Variants in CNTN4 observed in about 807,000 individuals in gnomAD.
CNTN4 encodes contactin-4.
Under a neutral mutation model 122.5 loss-of-function variants are expected in CNTN4, and 77 were observed. That is an observed-to-expected ratio of 0.63 (90% CI 0.52 to 0.76). The LOEUF (loss-of-function observed/expected upper bound fraction) is 0.76, where lower values mean the gene tolerates loss of function less well. Ranked by LOEUF, CNTN4 falls within the 30% of genes least tolerant of loss-of-function variation. CNTN4 has a pLI of 0.00. For missense variants in CNTN4, 1,256 were observed against 1,259.1 expected (o/e 1.00, Z 0.04); for synonymous variants, 512 against 447.0 (o/e 1.15, Z -1.83).
At chr3:2,981,305 G>T (rs911557309) in intron 13 of CNTN4, among the ~76,000 whole-genome samples, 1 of 151,728 alleles carries the variant, frequency 6.6e-6, no homozygotes, top group South Asian at 2.1e-4. Context: ...TTAGCCGGGC[G>T]TGGTGGCGGG....
chr3:2,463,007 CTGAGACTTACCATATT>C (rs530850243), intron 3 of CNTN4, among the ~76,000 whole-genome samples: 126 of 152,240 alleles, frequency 8.3e-4, no homozygotes, highest in Middle Eastern at 3.4e-3. Flanking sequence ...AACAATGTTT[CTGAGACTTACCATATT>C]TGAGAACCAT....
intron 4 of CNTN4, among the ~76,000 whole-genome samples, chr3:2,611,381 A>AGGGTACT (rs2081485127): frequency 6.6e-6 from 1 of 151,952 alleles, no homozygotes; most frequent in South Asian, 2.1e-4. Flanking sequence ...GACTCTTTCA[A>AGGGTACT]GGGTACTGAT....
intron 2 of CNTN4, among the ~76,000 whole-genome samples, chr3:2,104,555 G>A (rs1413196487): frequency 1.3e-5 from 2 of 152,156 alleles, no homozygotes; most frequent in Non-Finnish European, 2.9e-5. Flanking sequence ...TCATCATTCA[G>A]TCAAGATACA....
At chr3:2,535,921 A>C (rs1407280597) in intron 3 of CNTN4, among the ~76,000 whole-genome samples, 2 of 152,122 alleles carry the variant, frequency 1.3e-5, no homozygotes. Flanking sequence ...GGAAGCCTGA[A>C]GAAATCCCCC....
At chr3:2,177,786 CT>C (rs1216680686) in intron 2 of CNTN4, among the ~76,000 whole-genome samples, 1 of 151,814 alleles carries the variant, frequency 6.6e-6, no homozygotes, top group African/African-American at 2.4e-5. Flanking sequence ...TTTACTTAAG[CT>C]GAATTGATTA....
chr3:2,272,081 G>T (rs13085297), intron 2 of CNTN4, among the ~76,000 whole-genome samples: 2 of 151,750 alleles, frequency 1.3e-5, no homozygotes, highest in African/African-American at 4.8e-5. Flanking sequence ...CATGAAAAAT[G>T]TTATTAAAAT....
At chr3:2,370,787 T>C (rs2045601757) in intron 3 of CNTN4, among the ~76,000 whole-genome samples, 1 of 152,192 alleles carries the variant, frequency 6.6e-6, no homozygotes, top group African/African-American at 2.4e-5. Flanking sequence ...TCCCAATTTC[T>C]ATCAACCAGA....
intron 12 of CNTN4, among the ~76,000 whole-genome samples, chr3:2,905,679 A>T (rs1379677034): frequency 6.6e-6 from 1 of 152,250 alleles, no homozygotes; most frequent in Non-Finnish European, 1.5e-5. Flanking sequence ...ACCATGTTTC[A>T]CATAAGAACA....
At chr3:2,383,910 A>G (rs1020906274) in intron 3 of CNTN4, among the ~76,000 whole-genome samples, 1 of 152,122 alleles carries the variant, frequency 6.6e-6, no homozygotes, top group Non-Finnish European at 1.5e-5. Flanking sequence ...TAAAGCCACA[A>G]AATTATAAGT....
intron 4 of CNTN4, among the ~76,000 whole-genome samples, chr3:2,653,417 T>A (rs1241364544): frequency 6.6e-6 from 1 of 152,164 alleles, no homozygotes; most frequent in Non-Finnish European, 1.5e-5. Flanking sequence ...AGATTTTGGG[T>A]TCATAGAGAA....
At chr3:2,417,878 C>G (rs1280481243) in intron 3 of CNTN4, among the ~76,000 whole-genome samples, 1 of 152,106 alleles carries the variant, frequency 6.6e-6, no homozygotes, top group African/African-American at 2.4e-5. Flanking sequence ...AAAAGCCAAT[C>G]TGGGAAAAAA....
intron 2 of CNTN4, among the ~76,000 whole-genome samples, chr3:2,334,284 A>C (rs2150317559): frequency 6.6e-6 from 1 of 152,188 alleles, no homozygotes; most frequent in South Asian, 2.1e-4. Flanking sequence ...CAGCCTCCCA[A>C]GTAGCTGGGA....
chr3:2,779,382 A>G (rs1051947542), intron 6 of CNTN4, among the ~76,000 whole-genome samples: 1 of 151,988 alleles, frequency 6.6e-6, no homozygotes, highest in Non-Finnish European at 1.5e-5. Flanking sequence ...TTATTTTTGT[A>G]GAGGCTGGGT....
At chr3:2,844,570 A>G (rs535897561) in intron 7 of CNTN4, among the ~76,000 whole-genome samples, 2 of 152,292 alleles carry the variant, frequency 1.3e-5, no homozygotes, top group Admixed American at 1.3e-4. Context: ...TAATTGAGGG[A>G]CACCTACAGA....
At position 2,902,894 on chromosome 3, in the gene CNTN4, C is replaced by CAAGG; in HGVS notation, c.1099_1102dup (p.Thr368ArgfsTer23). The CAAGG allele has an allele frequency of 6.2e-7, 1 of 1,613,392 alleles. No individual in the cohort carries two copies. The highest frequency in any genetic ancestry group is 8.5e-7 in the Non-Finnish European group (1 of 1,179,652). On this transcript the variant is annotated frameshift_variant, in exon 12 of 25. Coordinates refer to ENST00000418658, the MANE Select transcript of CNTN4 (RefSeq NM_175607.3). LOFTEE classifies it high-confidence loss of function. Reference sequence around the variant, plus strand: ...TTCACAGGATAGAATTCAAATTGAGCAAGGAACACTCAACATAACAATAGT... The same window carrying CAAGG: ...TTCACAGGATAGAATTCAAATTGAGCAAGGAAGGAACACTCAACATAACAATAGT...
At chr3:3,007,841 A>T (rs1474876186) in intron 14 of CNTN4, among the ~76,000 whole-genome samples, 5 of 152,192 alleles carry the variant, frequency 3.3e-5, no homozygotes, top group South Asian at 4.1e-4. Context: ...CTTTTATCCC[A>T]ATTAGAATAA....
chr3:2,630,563 A>ATTCCCATTT (rs1356542749), intron 4 of CNTN4, among the ~76,000 whole-genome samples: 3 of 152,198 alleles, frequency 2.0e-5, no homozygotes, highest in Non-Finnish European at 4.4e-5. Context: ...AGCCCAATAC[A>ATTCCCATTT]TTCCCATTTC....
intron 7 of CNTN4, among the ~76,000 whole-genome samples, chr3:2,842,061 C>A (rs1214699779): frequency 1.3e-5 from 2 of 152,026 alleles, no homozygotes; most frequent in African/African-American, 4.8e-5. Flanking sequence ...TTAAAATATT[C>A]TTAATGAGCA....
intron 3 of CNTN4, among the ~76,000 whole-genome samples, chr3:2,393,256 C>G (rs893086357): frequency 4.6e-4 from 7 of 15,352 alleles, no homozygotes; most frequent in African/African-American, 1.9e-3. Flanking sequence ...TTAGGGCACA[C>G]CCTATGACCA....
Sources: allele counts gnomAD v4.1 joint callset (sites outside exome capture counted in the v4.1 genomes callset), GRCh38; gene constraint gnomAD v4.1.1; transcripts MANE v1.5; gene names NCBI Gene and HGNC (gene_info 2026-07-23, HGNC 2026-07-21).